The following NHSL1 variants were observed in gnomAD, a reference collection of about 807,000 sequenced individuals.
The protein encoded by NHSL1 is NHS like 1, also known as NHS-like protein 1.
Under a neutral mutation model 95.0 loss-of-function variants are expected in NHSL1, and 48 were observed. The observed-to-expected ratio is 0.51, with a 90% CI of 0.40 to 0.64. The LOEUF is 0.64. NHSL1 is among the 30% of genes least tolerant of loss of function. The probability of loss-of-function intolerance (pLI) is 0.00; values close to 1 mark genes in which losing one functional copy is unlikely to be tolerated. For synonymous variants in NHSL1, 783 were observed against 833.9 expected, an observed-to-expected ratio of 0.94 and a Z score of 1.05; for missense variants, 1,971 against 2,077.7, an observed-to-expected ratio of 0.95 and a Z score of 1.00.
At chr6:138,657,144 A>AT (rs924256288) in intron 1 of NHSL1, among the ~76,000 whole-genome samples, 12 of 151,746 alleles carry the variant, frequency 7.9e-5, no homozygotes, top group East Asian at 3.9e-4. Context: ...GTAAACAGAC[A>AT]TTTTTTTTCC....
At chr6:138,448,650 G>A (rs564703197) in intron 3 of NHSL1, among the ~76,000 whole-genome samples, 107 of 152,152 alleles carry the variant, frequency 7.0e-4, no homozygotes, top group Non-Finnish European at 8.7e-4. Context: ...TTCACTTAAC[G>A]TTATGTTTGT....
chr6:138,536,326 A>G (rs1782342115), intron 1 of NHSL1, among the ~76,000 whole-genome samples: 2 of 152,160 alleles, frequency 1.3e-5, no homozygotes, highest in African/African-American at 2.4e-5. Context: ...ACATACAAAT[A>G]AGGATTTATG....
intron 1 of NHSL1, among the ~76,000 whole-genome samples, chr6:138,596,975 G>A (rs1784310355): frequency 1.3e-5 from 2 of 151,956 alleles, no homozygotes; most frequent in Non-Finnish European, 2.9e-5. Flanking sequence ...CCTGGCCCAC[G>A]TGGCAAAACC....
chr6:138,547,542 G>A (rs949505757), upstream of NHSL1, among the ~76,000 whole-genome samples: 8 of 152,112 alleles, frequency 5.3e-5, no homozygotes, highest in South Asian at 2.1e-4. Flanking sequence ...CGCCAGGCCC[G>A]GCTAATGTTT....
intron 3 of NHSL1, among the ~76,000 whole-genome samples, chr6:138,449,114 C>T (rs1777063094): frequency 6.6e-6 from 1 of 151,086 alleles, no homozygotes; most frequent in Non-Finnish European, 1.5e-5. Flanking sequence ...TTTACTGCTA[C>T]TGCATTCATC....
At chr6:138,550,133 G>A (rs1417795024), upstream of NHSL1, among the ~76,000 whole-genome samples, 2 of 152,178 alleles carry the variant, frequency 1.3e-5, no homozygotes, top group Admixed American at 6.5e-5. Context: ...CAGCTACTCC[G>A]GAAGCTGAGG....
intron 1 of NHSL1, among the ~76,000 whole-genome samples, chr6:138,691,314 GAACGCAA>G (rs1193999524): frequency 6.6e-6 from 1 of 152,088 alleles, no homozygotes; most frequent in Non-Finnish European, 1.5e-5. Context: ...TCAAAGAGAT[GAACGCAA>G]AAATGTAAAA....
At chr6:138,492,116 C>A (rs1376384580) in intron 2 of NHSL1, among the ~76,000 whole-genome samples, 6 of 152,204 alleles carry the variant, frequency 3.9e-5, no homozygotes, top group African/African-American at 1.4e-4. Context: ...CAAAAGATAT[C>A]TGCTATATTC....
chr6:138,453,707 C>T (rs971335422), intron 3 of NHSL1, among the ~76,000 whole-genome samples: 2 of 151,888 alleles, frequency 1.3e-5, no homozygotes, highest in Admixed American at 6.6e-5. Context: ...CCACCATGCC[C>T]AGCTAATTTT....
chr6:138,574,805 T>C (rs1783941681), upstream of NHSL1, among the ~76,000 whole-genome samples: 1 of 151,734 alleles, frequency 6.6e-6, no homozygotes, highest in African/African-American at 2.4e-5. Context: ...TGAGCTGTGG[T>C]TGCACCACTG....
intron 1 of NHSL1, among the ~76,000 whole-genome samples, chr6:138,566,554 C>G (rs1783624873): frequency 6.6e-6 from 1 of 151,534 alleles, no homozygotes; most frequent in Non-Finnish European, 1.5e-5. Flanking sequence ...TAAGTTGCTT[C>G]TTTTTATCAC....
intron 1 of NHSL1, among the ~76,000 whole-genome samples, chr6:138,629,440 T>C (rs988447003): frequency 1.3e-5 from 2 of 152,010 alleles, no homozygotes; most frequent in African/African-American, 2.4e-5. Flanking sequence ...TGGAGTGCAG[T>C]GTCGCGATCT....
intron 1 of NHSL1, among the ~76,000 whole-genome samples, chr6:138,566,879 G>A (rs574065092): frequency 4.5e-4 from 69 of 152,282 alleles, no homozygotes; most frequent in Non-Finnish European, 7.1e-4. Context: ...GTCAACTTCA[G>A]TAGGAAGTAA....
intron 1 of NHSL1, among the ~76,000 whole-genome samples, chr6:138,634,026 T>G (rs1268134141): frequency 6.6e-6 from 1 of 152,028 alleles, no homozygotes; most frequent in Non-Finnish European, 1.5e-5. Flanking sequence ...GTTATAATAT[T>G]TACATGCTTT....
At chr6:138,617,219 G>A (rs1784592286) in intron 1 of NHSL1, among the ~76,000 whole-genome samples, 1 of 152,124 alleles carries the variant, frequency 6.6e-6, no homozygotes. Flanking sequence ...ATATCATAAT[G>A]ACCAAGACTT....
intron 1 of NHSL1, among the ~76,000 whole-genome samples, chr6:138,630,295 A>G (rs544925434): frequency 1.3e-5 from 2 of 152,182 alleles, no homozygotes; most frequent in African/African-American, 2.4e-5. Context: ...CCACCTTTGA[A>G]TGAAATAATT....
intron 1 of NHSL1, among the ~76,000 whole-genome samples, chr6:138,614,834 G>T (rs2034211276): frequency 6.6e-6 from 1 of 152,150 alleles, no homozygotes; most frequent in African/African-American, 2.4e-5. Flanking sequence ...CTGCGCATGG[G>T]AGGGATCTAG....
At chr6:138,522,030 G>GT (rs1014479921) in intron 1 of NHSL1, among the ~76,000 whole-genome samples, 3 of 152,158 alleles carry the variant, frequency 2.0e-5, no homozygotes, top group African/African-American at 7.2e-5. Flanking sequence ...GAATATGCTA[G>GT]TAAGTACGGC....
At chr6:138,644,065 G>A (rs961317304) in intron 1 of NHSL1, among the ~76,000 whole-genome samples, 2 of 150,342 alleles carry the variant, frequency 1.3e-5, no homozygotes, top group African/African-American at 4.9e-5. Context: ...AAAGTGTTTC[G>A]GTTATTTGAG....
Sources: gnomAD v4.1 joint callset for allele counts (sites outside exome capture counted in the v4.1 genomes callset) on GRCh38, gnomAD v4.1.1 for gene constraint, MANE v1.5 for transcripts, NCBI Gene and HGNC (gene_info 2026-07-23, HGNC 2026-07-21) for gene names.